Variants in CLASP2 observed in about 807,000 individuals in gnomAD.
CLASP2 encodes cytoplasmic linker associated protein 2.
CLASP2 carries 47 observed loss-of-function variants against 194.4 expected under a neutral mutation model. That is an observed-to-expected ratio of 0.24 (90% CI 0.19 to 0.31). The LOEUF (loss-of-function observed/expected upper bound fraction) is 0.31, where lower values mean the gene tolerates loss of function less well. CLASP2 is among the 10% of genes least tolerant of loss of function. CLASP2 has a pLI of 1.00. For missense variants in CLASP2, 1,445 were observed against 1,823.6 expected, an observed-to-expected ratio of 0.79 and a Z score of 3.78; for synonymous variants, 619 against 633.5, an observed-to-expected ratio of 0.98 and a Z score of 0.34.
intron 6 of CLASP2, among the ~76,000 whole-genome samples, chr3:33,670,078 A>T (rs549392879): frequency 6.6e-6 from 1 of 152,336 alleles, no homozygotes; most frequent in South Asian, 2.1e-4. Context: ...ATATATATAC[A>T]TACACATGCA....
chr3:33,698,514 G>T (rs771234405), intron 1 of CLASP2, among the ~76,000 whole-genome samples: 27 of 152,114 alleles, frequency 1.8e-4, no homozygotes, highest in Non-Finnish European at 2.6e-4. Flanking sequence ...CTACCAGTGG[G>T]GAAGGGGCAA....
intron 30 of CLASP2, among the ~76,000 whole-genome samples, chr3:33,545,909 G>GAA (rs398062225): frequency 1.1e-4 from 14 of 124,704 alleles, no homozygotes; most frequent in African/African-American, 3.7e-4. Context: ...GACTTAAAAG[G>GAA]AAAAAAAAAA....
intron 7 of CLASP2, among the ~76,000 whole-genome samples, chr3:33,651,276 G>T (rs2083148218): frequency 6.6e-6 from 1 of 150,952 alleles, no homozygotes; most frequent in Non-Finnish European, 1.5e-5. Flanking sequence ...CCAGCTACTT[G>T]AGAGGCTGAG....
chr3:33,552,846 T>C (rs780978836), intron 29 of CLASP2, among the ~76,000 whole-genome samples: 60 of 152,192 alleles, frequency 3.9e-4, no homozygotes, highest in Non-Finnish European at 6.9e-4. Context: ...TACTTTGACC[T>C]ACATCTCCCC....
chr3:33,622,007 T>C, intron 11 of CLASP2, 128 bp downstream of exon 11: 1 of 635,232 alleles, frequency 1.6e-6, no homozygotes, highest in East Asian at 3.3e-5. Context: ...TCCTTATGTA[T>C]AATAAAAATG....
intron 33 of CLASP2, among the ~76,000 whole-genome samples, chr3:33,537,925 A>G (rs182840215): frequency 9.9e-5 from 15 of 152,232 alleles, no homozygotes; most frequent in African/African-American, 1.4e-4. Flanking sequence ...GCAGATCACA[A>G]GGTCAGGAGA....
intron 21 of CLASP2, chr3:33,588,813 TGGA>T (rs1287667890): frequency 1.6e-4 from 112 of 688,600 alleles, no homozygotes; most frequent in Non-Finnish European, 2.7e-4. Flanking sequence ...GGATGGCAGA[TGGA>T]AATAAGAAAG....
At chr3:33,506,940 CTT>C (rs138932642) in intron 37 of CLASP2, among the ~76,000 whole-genome samples, 6 of 138,958 alleles carry the variant, frequency 4.3e-5, no homozygotes, top group Non-Finnish European at 3.1e-5. Flanking sequence ...TGATTAGATT[CTT>C]TTTTTTTTTT....
chr3:33,550,392 C>CAAAAAAAAAAAAA (rs555351261), intron 30 of CLASP2, among the ~76,000 whole-genome samples: 2 of 51,664 alleles, frequency 3.9e-5, no homozygotes, highest in African/African-American at 1.3e-4. Context: ...GAGACTGCCT[C>CAAAAAAAAAAAAA]AAAAAAAAAA....
At chr3:33,672,387 G>C (rs1375904185) in intron 6 of CLASP2, among the ~76,000 whole-genome samples, 2 of 152,204 alleles carry the variant, frequency 1.3e-5, no homozygotes, top group Non-Finnish European at 2.9e-5. Context: ...TGAGGGTCCT[G>C]TCTGTTAGAA....
At chr3:33,683,264 A>T (rs1316793772) in intron 6 of CLASP2, 1 of 152,194 alleles carries the variant, frequency 6.6e-6, no homozygotes, top group Non-Finnish European at 1.5e-5. Context: ...ATATTACAGG[A>T]CCTTAAGAAC....
chr3:33,547,469 T>C (rs1337623489), intron 30 of CLASP2, among the ~76,000 whole-genome samples: 15 of 152,256 alleles, frequency 9.9e-5, no homozygotes. Context: ...ATCAGCAGCA[T>C]GAAAATGAAC....
chr3:33,569,999 C>T (rs111401421), intron 26 of CLASP2, among the ~76,000 whole-genome samples: 2,407 of 152,160 alleles, frequency 0.016, 20 homozygotes, highest in South Asian at 0.032. Flanking sequence ...CCACATCTCC[C>T]GCTCACTTAG....
chr3:33,709,203 CT>C (rs1194526982), intron 1 of CLASP2, among the ~76,000 whole-genome samples: 1 of 152,140 alleles, frequency 6.6e-6, no homozygotes, highest in African/African-American at 2.4e-5. Flanking sequence ...ATATTTCCCC[CT>C]ATGTTTTCTT....
chr3:33,516,277 G>A (rs2051290129), intron 35 of CLASP2, 126 bp from the exon 36 acceptor site: 16 of 654,530 alleles, frequency 2.4e-5, no homozygotes, highest in Non-Finnish European at 3.7e-5. Flanking sequence ...TAAAGTATGC[G>A]GTATACTATG....
rs1397266619 is a variant in CLASP2, at chr3:33,584,931, A to G, written c.2069-11T>C. On this transcript the variant is annotated splice_polypyrimidine_tract_variant and intron_variant, in intron 21 of 38. Coordinates refer to ENST00000682230, the MANE Select transcript of CLASP2 (RefSeq NM_001365631.1). ...CAGACCGGCTACCAGCTGAACACCA[A>G]ACACATATACAAATGTTAACATGTA... 1.2e-6 allele frequency: 2 copies of G among 1,600,948 alleles called. No individual in the cohort carries two copies. The highest frequency in any genetic ancestry group is 1.7e-6 in the Non-Finnish European group (2 of 1,175,056).
At chr3:33,567,093 G>A (rs2062875813) in intron 26 of CLASP2, among the ~76,000 whole-genome samples, 3 of 152,090 alleles carry the variant, frequency 2.0e-5, no homozygotes, top group East Asian at 1.9e-4. Flanking sequence ...CTTCTGAATG[G>A]GGCCAACATT....
chr3:33,546,784 A>C (rs1479828725), intron 30 of CLASP2, among the ~76,000 whole-genome samples: 2 of 152,052 alleles, frequency 1.3e-5, no homozygotes, highest in African/African-American at 4.8e-5. Flanking sequence ...AAAAACATAA[A>C]TCATATTACT....
intron 23 of CLASP2, among the ~76,000 whole-genome samples, chr3:33,579,834 A>G (rs2065639361): frequency 6.6e-6 from 1 of 152,180 alleles, no homozygotes; most frequent in Non-Finnish European, 1.5e-5. Context: ...CCTATGATAT[A>G]CATTCTTAAA....
Sources: allele counts gnomAD v4.1 joint callset (sites outside exome capture counted in the v4.1 genomes callset), GRCh38; gene constraint gnomAD v4.1.1; transcripts MANE v1.5; gene names NCBI Gene and HGNC (gene_info 2026-07-23, HGNC 2026-07-21).